PPP2CA: variants seen among roughly 807,000 people sequenced by gnomAD.
PPP2CA encodes the protein serine/threonine-protein phosphatase 2A catalytic subunit alpha isoform.
A neutral mutation model predicts 38.8 loss-of-function variants in PPP2CA; 5 were observed. That is an observed-to-expected ratio of 0.13 (90% confidence interval 0.07 to 0.27). The LOEUF (loss-of-function observed/expected upper bound fraction) is 0.27, where lower values mean the gene tolerates loss of function less well. PPP2CA is among the 10% of genes least tolerant of loss of function. PPP2CA has a pLI of 1.00. For synonymous variants in PPP2CA, 152 were observed against 134.0 expected, an observed-to-expected ratio of 1.13 and a Z score of -0.93; for missense variants, 88 against 389.7, an observed-to-expected ratio of 0.23 and a Z score of 6.52.
intron 1 of PPP2CA, among the ~76,000 whole-genome samples, chr5:134,224,780 G>T (rs924917622): frequency 2.0e-5 from 3 of 152,172 alleles, no homozygotes; most frequent in African/African-American, 7.2e-5. Flanking sequence ...GTTACTAAGT[G>T]GACTACAACA....
At chr5:134,204,993 G>C (rs1762048645) in intron 2 of PPP2CA, among the ~76,000 whole-genome samples, 1 of 144,526 alleles carries the variant, frequency 6.9e-6, no homozygotes, top group Non-Finnish European at 1.5e-5. Flanking sequence ...AGTGTAGGGT[G>C]GCAAGATCAA....
In PPP2CA at chr5:134,197,669, G is replaced by T; in HGVS notation, c.*103C>A. The T allele has an allele frequency of 2.1e-6, 2 of 948,112 alleles. No homozygotes were observed. The highest frequency in any genetic ancestry group is 3.3e-6 in the Non-Finnish European group (2 of 608,696). 58.7% of individuals were successfully genotyped at this position (948,112 alleles called of 1,614,324 possible). ...TGGTCCATGTGAAAACAAGTTTTTTGAATGTTAACTATTTTCTGACACTTT... is the reference window on the plus strand; with the variant it reads ...TGGTCCATGTGAAAACAAGTTTTTTTAATGTTAACTATTTTCTGACACTTT... On this transcript the variant is annotated 3_prime_UTR_variant, in exon 7 of 7. Transcript: ENST00000481195.
At chr5:134,217,707 G>A (rs1390392854) in intron 1 of PPP2CA, among the ~76,000 whole-genome samples, 2 of 152,202 alleles carry the variant, frequency 1.3e-5, no homozygotes, top group Non-Finnish European at 2.9e-5. Context: ...ACTAGCCCTG[G>A]AAGCAAATGA....
intron 2 of PPP2CA, 153 bp downstream of exon 2, chr5:134,205,769 C>T: frequency 1.6e-6 from 1 of 633,294 alleles, no homozygotes; most frequent in South Asian, 2.0e-5. Flanking sequence ...ACGCAGACGC[C>T]TATGATTTTT....
Position 134,195,408 on chromosome 5 carries a change from C to T in PPP2CA, c.*2364G>A, listed in dbSNP as rs116122717. On this transcript the variant is annotated 3_prime_UTR_variant, in exon 7 of 7. Transcript: ENST00000481195. The stretch of plus-strand genomic sequence containing the variant: ...TGGGACTATGGTATGCCACCAAGCC[C>T]GGCTGATTTTCATATTTTTTGTAGA... 1,002 of 152,202 alleles carry T rather than the reference C, an allele frequency of 6.6e-3. 18 individuals are homozygous for T. The highest frequency in any genetic ancestry group is 0.021 in the African/African-American group (864 of 41,508). 9.4% of individuals were successfully genotyped at this position (152,202 alleles called of 1,614,324 possible). A position where few individuals can be genotyped will look rare whatever the true frequency, so the allele number is the denominator to read the frequency against.
At chr5:134,211,551 G>A (rs183862975) in intron 1 of PPP2CA, among the ~76,000 whole-genome samples, 32 of 149,502 alleles carry the variant, frequency 2.1e-4, no homozygotes, top group Admixed American at 6.7e-4. Flanking sequence ...ATCTCGGTTC[G>A]CTGCAACCTC....
At chr5:134,222,602 G>A (rs1221455083) in intron 1 of PPP2CA, among the ~76,000 whole-genome samples, 1 of 151,834 alleles carries the variant, frequency 6.6e-6, no homozygotes, top group Non-Finnish European at 1.5e-5. Flanking sequence ...ACAAAGCCAA[G>A]AAATCATACC....
intron 2 of PPP2CA, among the ~76,000 whole-genome samples, chr5:134,205,019 C>T (rs1029135047): frequency 1.3e-5 from 2 of 149,728 alleles, no homozygotes; most frequent in Non-Finnish European, 3.0e-5. Context: ...ATTGCAGCCA[C>T]GACCTCCTGG....
chr5:134,201,116 T>G (rs1202021597), intron 3 of PPP2CA, 42 bp from the exon 4 acceptor site: 18 of 1,479,900 alleles, frequency 1.2e-5, no homozygotes, highest in East Asian at 2.3e-5. Flanking sequence ...CCTAAAAAAT[T>G]TGTAAACATT....
At chr5:134,220,693 T>G (rs780198572) in intron 1 of PPP2CA, among the ~76,000 whole-genome samples, 1 of 152,180 alleles carries the variant, frequency 6.6e-6, no homozygotes, top group Non-Finnish European at 1.5e-5. Context: ...CCCAGTCTCT[T>G]AGTTTTCCTA....
chr5:134,215,249 AC>A (rs1467502191), intron 1 of PPP2CA, among the ~76,000 whole-genome samples: 1 of 152,098 alleles, frequency 6.6e-6, no homozygotes, highest in Non-Finnish European at 1.5e-5. Context: ...CAGGTGTGCC[AC>A]CACACCCAAC....
At chr5:134,217,058 G>C (rs1387682702) in intron 1 of PPP2CA, among the ~76,000 whole-genome samples, 1 of 152,198 alleles carries the variant, frequency 6.6e-6, no homozygotes, top group African/African-American at 2.4e-5. Context: ...AAGGCAGGCA[G>C]ATCACCTGAG....
At chr5:134,208,637 TTATGA>T (rs1762135004) in intron 1 of PPP2CA, among the ~76,000 whole-genome samples, 1 of 152,180 alleles carries the variant, frequency 6.6e-6, no homozygotes, top group Admixed American at 6.5e-5. Context: ...TGTTTTCAAG[TTATGA>T]TATATTTATC....
chr5:134,195,719 G>A lies in PPP2CA; in HGVS notation c.*2053C>T, dbSNP rs1321569832. On this transcript the variant is annotated 3_prime_UTR_variant, in exon 7 of 7. Transcript: ENST00000481195. ...TTACCATAGCCATTTTCAAAAGAAG[G>A]TAGGGTACTAACACTTTCCAGTTTA... 1 of 152,122 alleles carries A rather than the reference G, an allele frequency of 6.6e-6. No individual in the cohort carries two copies. Among genetic ancestry groups the A allele is most frequent in the Non-Finnish European group, 1.5e-5 (1 of 68,012 alleles). The allele number at this position is 152,122 out of a possible 1,614,324, so 9.4% of individuals were successfully genotyped here.
chr5:134,194,529 C>T lies in PPP2CA; in HGVS notation c.*3243G>A, dbSNP rs1761800199. 1 of 152,286 alleles carries T rather than the reference C, an allele frequency of 6.6e-6. No individual in the cohort carries two copies. Among genetic ancestry groups the T allele is most frequent in the African/African-American group, 2.4e-5 (1 of 41,448 alleles). The allele number at this position is 152,286 out of a possible 1,614,324, so 9.4% of individuals were successfully genotyped here. A position where few individuals can be genotyped will look rare whatever the true frequency, so the allele number is the denominator to read the frequency against. ...CACTGAAACAGAGAGTCGCACGGTA[C>T]ATTTTAATTCCTTATCAACATCCAT... On this transcript the variant is annotated 3_prime_UTR_variant, in exon 7 of 7. Coordinates refer to ENST00000481195, the MANE Select transcript of PPP2CA (RefSeq NM_002715.4).
intron 1 of PPP2CA, among the ~76,000 whole-genome samples, chr5:134,223,948 G>A (rs1046528362): frequency 3.3e-5 from 5 of 152,126 alleles, no homozygotes; most frequent in African/African-American, 9.7e-5. Context: ...TTAGTTTATA[G>A]ACAGGAAAAC....
At chr5:134,219,217 T>C (rs1463230181) in intron 1 of PPP2CA, among the ~76,000 whole-genome samples, 4 of 152,198 alleles carry the variant, frequency 2.6e-5, no homozygotes, top group Admixed American at 1.3e-4. Flanking sequence ...TGCTATTAAT[T>C]AGAGCAAAAC....
At chr5:134,225,150 G>C (rs1159683869) in intron 1 of PPP2CA, among the ~76,000 whole-genome samples, 2 of 152,138 alleles carry the variant, frequency 1.3e-5, no homozygotes, top group Admixed American at 6.5e-5. Context: ...CTACCACCAT[G>C]ACCTTCGTAA....
Position 134,225,651 on chromosome 5 carries a change from C to G in PPP2CA, c.102+109G>C, listed in dbSNP as rs916577342. ...AGGATGGGCGCCGGTCTCGGAGACTCGGGGGGCCCGGACCGGCGGCCTCCG... is the reference window on the plus strand; with the variant it reads ...AGGATGGGCGCCGGTCTCGGAGACTGGGGGGGCCCGGACCGGCGGCCTCCG... On this transcript the variant is annotated intron_variant, in intron 1 of 6. Transcript: ENST00000481195. 5 of 960,448 alleles carry G rather than the reference C, an allele frequency of 5.2e-6. No homozygotes were observed. In the East Asian group the frequency reaches 1.5e-4, roughly 29 times the overall value. 59.5% of individuals were successfully genotyped at this position (960,448 alleles called of 1,614,324 possible).
Sources: allele counts gnomAD v4.1 joint callset (sites outside exome capture counted in the v4.1 genomes callset), GRCh38; gene constraint gnomAD v4.1.1; transcripts MANE v1.5; gene names NCBI Gene and HGNC (gene_info 2026-07-23, HGNC 2026-07-21).